The following TRNT1 variants were observed in gnomAD, a reference collection of about 807,000 sequenced individuals.
The protein encoded by TRNT1 is CCA tRNA nucleotidyltransferase 1, mitochondrial.
TRNT1 carries 44 observed loss-of-function variants against 45.6 expected under a neutral mutation model. That is an observed-to-expected ratio of 0.97 (90% CI 0.76 to 1.24). The LOEUF is 1.24. Ranked by LOEUF, TRNT1 falls within the 50% of genes most tolerant of loss-of-function variation. The probability of loss-of-function intolerance (pLI) is 0.00; values close to 1 mark genes in which losing one functional copy is unlikely to be tolerated. For synonymous variants in TRNT1, 201 were observed against 171.4 expected, an observed-to-expected ratio of 1.17 and a Z score of -1.35; for missense variants, 633 against 504.4, an observed-to-expected ratio of 1.25 and a Z score of -2.44.
At chr3:3,136,655 T>C in intron 2 of TRNT1, 3 of 413,376 alleles carry the variant, frequency 7.3e-6, no homozygotes, top group South Asian at 1.7e-5. Flanking sequence ...TTTCTTTTTT[T>C]TTCTTTTTTT....
rs2126038625 is a variant in TRNT1 at position 3,148,152 on chromosome 3, TA to T, written c.*2del. The T allele has an allele frequency of 1.2e-6, 2 of 1,611,796 alleles. No homozygotes were observed. Among genetic ancestry groups the T allele is most frequent in the South Asian group, 2.2e-5 (2 of 90,666 alleles). On this transcript the variant is annotated frameshift_variant and stop_lost, in exon 8 of 8. Transcript: ENST00000251607. LOFTEE classifies it high-confidence loss of function. ...ACTTCTGAGTTACATAAAGAAGACCTAAAACTGATGGCTACTAAAAAGCAGA... is the reference window on the plus strand; with the variant it reads ...ACTTCTGAGTTACATAAAGAAGACCTAAACTGATGGCTACTAAAAAGCAGA... ...DELLSYIKKT[*>X]
intron 3 of TRNT1, among the ~76,000 whole-genome samples, chr3:3,138,870 T>G: frequency 6.6e-6 from 1 of 152,240 alleles, no homozygotes; most frequent in East Asian, 1.9e-4. Context: ...TCAGGTTGGC[T>G]TTCCTTGAAT....
intron 5 of TRNT1, 50 bp from the exon 6 acceptor site, chr3:3,146,380 T>C: frequency 7.0e-7 from 1 of 1,426,546 alleles, no homozygotes; most frequent in South Asian, 1.3e-5. Flanking sequence ...AGATTTTGCT[T>C]GTGATATGCC....
rs1320606412 is a variant in TRNT1, at chr3:3,142,072, A to G, written c.481+1424A>G. On this transcript the variant is annotated intron_variant, in intron 4 of 7. Transcript: ENST00000251607. ...GCAATATATGACCATAGAGAGCCCA[A>G]TTGGTGCATTTTTCTCTCAGTTAAT... 3.3e-5 allele frequency among the ~76,000 whole-genome samples: 5 copies of G among 152,290 alleles called. No homozygotes were observed. The East Asian group carries it at 7.7e-4, about 24-fold the overall frequency.
rs773514953 is a variant in TRNT1 at position 3,146,507 on chromosome 3, G to C, written c.686G>C (p.Gly229Ala). ...GAAGCAATTGCAGAAAATGCAAAAG[G>C]CTTGGCTGGAATATCAGGAGAAAGG... ...TLEAIAENAKGLAGISGERIW... is the reference protein window; with the variant it reads ...TLEAIAENAKALAGISGERIW... The change falls in exon 6 of 8, where the codon GGC (glycine) becomes GCC (alanine). Residue 229 changes from glycine to alanine, a missense_variant. Gly to Ala is a moderately conservative substitution (Grantham distance 60, BLOSUM62 0). Transcript: ENST00000251607. The C allele has an allele frequency of 9.9e-6, 16 of 1,613,880 alleles. No individual in the cohort carries two copies. Among genetic ancestry groups the C allele is most frequent in the Admixed American group, 1.7e-5 (1 of 59,988 alleles).
At chr3:3,130,032 A>ACTCCG (rs1370634178) in intron 2 of TRNT1, 19 of 159,098 alleles carry the variant, frequency 1.2e-4, no homozygotes, top group African/African-American at 5.1e-4. Context: ...GCTAAGTGCC[A>ACTCCG]GTAGCTTCTT....
intron 6 of TRNT1, among the ~76,000 whole-genome samples, chr3:3,147,235 A>C (rs1264289794): frequency 1.3e-5 from 2 of 152,178 alleles, no homozygotes; most frequent in Non-Finnish European, 2.9e-5. Context: ...TGTAGCTTTA[A>C]TGGAAACAAG....
At chr3:3,143,864 C>CA (rs1275771854) in intron 4 of TRNT1, among the ~76,000 whole-genome samples, 1 of 151,602 alleles carries the variant, frequency 6.6e-6, no homozygotes, top group East Asian at 1.9e-4. Flanking sequence ...CCTCAAAGAA[C>CA]AAAAAAAGGA....
At chr3:3,144,806 T>C (rs1705883237) in intron 5 of TRNT1, 96 bp downstream of exon 5, 1 of 1,247,818 alleles carries the variant, frequency 8.0e-7, no homozygotes, top group Non-Finnish European at 1.1e-6. Context: ...GTGTACAAAA[T>C]GGTGACATCC....
chr3:3,133,889 G>A (rs935771671), intron 2 of TRNT1, among the ~76,000 whole-genome samples: 6 of 152,028 alleles, frequency 3.9e-5, no homozygotes, highest in South Asian at 2.1e-4. Context: ...GCCTCCAGTC[G>A]TCAAAATTTA....
chr3:3,127,032 G>C (rs908614686), intron 1 of TRNT1, 42 bp downstream of exon 1: 2 of 152,356 alleles, frequency 1.3e-5, no homozygotes, highest in Admixed American at 6.5e-5. Context: ...AGTTGGTGGC[G>C]TGAGTTGCTG....
At chr3:3,132,751 A>C (rs1335090839) in intron 2 of TRNT1, among the ~76,000 whole-genome samples, 3 of 150,700 alleles carry the variant, frequency 2.0e-5, no homozygotes, top group Admixed American at 6.6e-5. Flanking sequence ...AAAACACAAA[A>C]AAAAAACACT....
chr3:3,150,346 G>A (rs1706430388), downstream of TRNT1: 1 of 152,184 alleles, frequency 6.6e-6, no homozygotes, highest in Non-Finnish European at 1.5e-5. Context: ...TAAAGAAAAT[G>A]GAAAGGAACA....
chr3:3,136,238 A>T (rs62228614), intron 2 of TRNT1, among the ~76,000 whole-genome samples: 8,432 of 152,116 alleles, frequency 0.055, 363 homozygotes, highest in African/African-American at 0.13. Flanking sequence ...TTTTGTGAAA[A>T]TGTTTCTGTA....
In TRNT1 at chr3:3,128,554, G is replaced by A. The variant is rs574882407; in HGVS notation, c.-27-460G>A. Among the ~76,000 whole-genome samples, 32 of 133,892 alleles carry A rather than the reference G, an allele frequency of 2.4e-4. No homozygotes were observed. The Middle Eastern group carries it at 0.013, about 54-fold the overall frequency. 87.8% of individuals were successfully genotyped at this position (133,892 alleles called of 152,430 possible). On this transcript the variant is annotated intron_variant, in intron 1 of 7. Coordinates refer to ENST00000251607, the MANE Select transcript of TRNT1 (RefSeq NM_182916.3). ...GCAGGGGTTGCAGTGAGCTGAGATC[G>A]CGCCACTGCACTCCCGCCTGAGCGA...
intron 4 of TRNT1, 58 bp downstream of exon 4, chr3:3,140,706 A>G: frequency 6.4e-7 from 1 of 1,566,258 alleles, no homozygotes; most frequent in Non-Finnish European, 8.7e-7. Context: ...CTTTTCAAGT[A>G]AAACCTACAT....
chr3:3,149,064 C>CATTTCATAATTTA (rs1332697033), downstream of TRNT1: 1 of 151,682 alleles, frequency 6.6e-6, no homozygotes, highest in East Asian at 1.9e-4. Context: ...GCTATACTGA[C>CATTTCATAATTTA]ATTTCATAAT....
At chr3:3,130,738 AT>A (rs1321694352) in intron 2 of TRNT1, 1 of 152,212 alleles carries the variant, frequency 6.6e-6, no homozygotes, top group Non-Finnish European at 1.5e-5. Flanking sequence ...TGAATTTTGT[AT>A]AAAAATTGTT....
At chr3:3,130,215 C>T (rs1417102325) in intron 2 of TRNT1, 3 of 444,966 alleles carry the variant, frequency 6.7e-6, no homozygotes, top group Non-Finnish European at 1.2e-5. Context: ...CTATTAGATT[C>T]ACCTGGGGAG....
Sources: gnomAD v4.1 joint callset for allele counts (sites outside exome capture counted in the v4.1 genomes callset) on GRCh38, gnomAD v4.1.1 for gene constraint, MANE v1.5 for transcripts, NCBI Gene and HGNC (gene_info 2026-07-23, HGNC 2026-07-21) for gene names.